ALG9: variants seen among roughly 807,000 people sequenced by gnomAD.
The protein encoded by ALG9 is ALG9 alpha-1,2-mannosyltransferase.
A neutral mutation model predicts 81.8 loss-of-function variants in ALG9; 55 were observed. The observed-to-expected ratio is 0.67, with a 90% confidence interval of 0.54 to 0.84. The LOEUF (loss-of-function observed/expected upper bound fraction) is 0.84, where lower values mean the gene tolerates loss of function less well. Among genes scored for constraint, ALG9 ranks in the 40% least tolerant of loss-of-function variants. The pLI, the probability that ALG9 is intolerant of heterozygous loss-of-function variation, is 0.00. For synonymous variants in ALG9, 278 were observed against 274.3 expected, an observed-to-expected ratio of 1.01 and a Z score of -0.13; for missense variants, 629 against 745.0, an observed-to-expected ratio of 0.84 and a Z score of 1.81.
chr11:111,843,883 T>C (rs1293315383), intron 9 of ALG9, among the ~76,000 whole-genome samples: 3 of 152,200 alleles, frequency 2.0e-5, no homozygotes, highest in African/African-American at 7.2e-5. Flanking sequence ...TTTGGGGAAA[T>C]CCCTGTATGG....
At chr11:111,792,337 T>C (rs1224284061) in intron 14 of ALG9, among the ~76,000 whole-genome samples, 1 of 152,096 alleles carries the variant, frequency 6.6e-6, no homozygotes, top group East Asian at 1.9e-4. Context: ...AAAACAAATG[T>C]TGGATGGATG....
At chr11:111,859,238 T>A (rs1959180787) in intron 5 of ALG9, among the ~76,000 whole-genome samples, 1 of 152,110 alleles carries the variant, frequency 6.6e-6, no homozygotes. Flanking sequence ...GTGCGGTGGC[T>A]CACACCTGTA....
intron 8 of ALG9, among the ~76,000 whole-genome samples, chr11:111,850,793 G>C (rs1555137257): frequency 6.6e-6 from 1 of 150,976 alleles, no homozygotes; most frequent in Non-Finnish European, 1.5e-5. Flanking sequence ...CTGCCATCAA[G>C]GAACAACTGC....
rs1555062364 is a variant in ALG9, at chr11:111,785,673, A to C, written c.*724T>G. 5.3e-6 allele frequency: 1 copy of C among 187,470 alleles called. No individual in the cohort carries two copies. The highest frequency in any genetic ancestry group is 1.1e-5 in the Non-Finnish European group (1 of 89,050). The allele number at this position is 187,470 out of a possible 1,614,324, so 11.6% of individuals were successfully genotyped here. A position where few individuals can be genotyped will look rare whatever the true frequency, so the allele number is the denominator to read the frequency against. The stretch of plus-strand genomic sequence containing the variant: ...AGGAGTCTAGAATTCAAAAAATAGC[A>C]TGCTAAAACTGAACAAAAAAGCAAT... On this transcript the variant is annotated 3_prime_UTR_variant, in exon 15 of 15. Transcript: ENST00000616540.
chr11:111,854,774 T>C (rs987230255), intron 6 of ALG9, among the ~76,000 whole-genome samples: 5 of 152,236 alleles, frequency 3.3e-5, no homozygotes, highest in African/African-American at 7.2e-5. Flanking sequence ...TACTTTTAAT[T>C]ACTTGTCCAA....
intron 3 of ALG9, among the ~76,000 whole-genome samples, chr11:111,866,853 G>A (rs1201434709): frequency 6.6e-6 from 1 of 151,372 alleles, no homozygotes; most frequent in Non-Finnish European, 1.5e-5. Flanking sequence ...CAGCACTTTG[G>A]AGGCCAAGGC....
intron 13 of ALG9, among the ~76,000 whole-genome samples, chr11:111,819,953 T>C (rs941602638): frequency 1.3e-5 from 2 of 152,250 alleles, no homozygotes; most frequent in African/African-American, 4.8e-5. Context: ...TTCAAAACTA[T>C]GACCAGCTTA....
chr11:111,773,685 AT>A, the ALG9 span, among the ~76,000 whole-genome samples: 1 of 151,784 alleles, frequency 6.6e-6, no homozygotes, highest in African/African-American at 2.4e-5. Flanking sequence ...TCGGAAAAAA[AT>A]GTTTTGTTAT....
intron 14 of ALG9, among the ~76,000 whole-genome samples, chr11:111,808,963 C>T (rs782744357): frequency 6.6e-5 from 10 of 152,328 alleles, no homozygotes; most frequent in Non-Finnish European, 1.2e-4. Context: ...TATCTCAGCC[C>T]TGGCTGAGCC....
intron 13 of ALG9, among the ~76,000 whole-genome samples, chr11:111,815,657 C>G (rs1219596593): frequency 3.3e-5 from 5 of 152,000 alleles, no homozygotes; most frequent in Admixed American, 6.5e-5. Context: ...GGTTCTACCA[C>G]AGACTGGCTG....
chr11:111,820,920 G>GCGCACACA (rs72334123), intron 13 of ALG9, among the ~76,000 whole-genome samples: 51 of 146,362 alleles, frequency 3.5e-4, no homozygotes, highest in African/African-American at 1.2e-3. Context: ...AAACACGCGC[G>GCGCACACA]CACACACACA....
At chr11:111,796,009 C>T (rs1948231687) in intron 14 of ALG9, among the ~76,000 whole-genome samples, 1 of 152,146 alleles carries the variant, frequency 6.6e-6, no homozygotes, top group African/African-American at 2.4e-5. Context: ...GCTCTTCGGA[C>T]CCTCATTTGG....
In ALG9 at chr11:111,853,486, C is replaced by G; in HGVS notation, c.790-1G>C. Reference sequence around the variant, plus strand: ...AGCTGTCAATGACCACCACAGGCACCTAAAACAGAGCAGAAAATAGTTTTG... The same window carrying G: ...AGCTGTCAATGACCACCACAGGCACGTAAAACAGAGCAGAAAATAGTTTTG... On this transcript the variant is annotated splice_acceptor_variant, in intron 7 of 14. Coordinates refer to ENST00000616540, the MANE Select transcript of ALG9 (RefSeq NM_024740.2). LOFTEE classifies it high-confidence loss of function. 1 of 1,612,306 alleles carries G rather than the reference C, an allele frequency of 6.2e-7. No homozygotes were observed. Among genetic ancestry groups the G allele is most frequent in the Non-Finnish European group, 8.5e-7 (1 of 1,178,488 alleles).
chr11:111,809,725 C>A lies in ALG9; in HGVS notation c.1651G>T (p.Glu551Ter). The A allele has an allele frequency of 6.2e-7, 1 of 1,614,090 alleles. No homozygotes were observed. The highest frequency in any genetic ancestry group is 8.5e-7 in the Non-Finnish European group (1 of 1,179,974). ...HYLVDLDTMRETPREPKYSSN... is the reference protein window; with the variant it reads ...HYLVDLDTMR ...GAATATTTTGGCTCCCGGGGTGTTT[C>A]TCTCATGGTGTCCAAATCCACTAAA... is the stretch of plus-strand genomic sequence containing the variant. Residue 551 changes from glutamate (E) to a stop codon, truncating the protein, a stop_gained, in exon 14 of 15, where the codon GAA (glutamate) becomes TAA (stop). Coordinates refer to ENST00000616540, the MANE Select transcript of ALG9 (RefSeq NM_024740.2). LOFTEE classifies it high-confidence loss of function.
intron 4 of ALG9, chr11:111,864,315 C>T: frequency 1.1e-6 from 1 of 887,972 alleles, no homozygotes; most frequent in Non-Finnish European, 1.9e-6. Context: ...CGGCTGGAGG[C>T]CAGGCTCAAC....
At chr11:111,865,792 A>G (rs1176955399) in intron 3 of ALG9, among the ~76,000 whole-genome samples, 1 of 152,232 alleles carries the variant, frequency 6.6e-6, no homozygotes. Context: ...ATAAAATGGT[A>G]AAAGTAGCTA....
chr11:111,832,306 C>T (rs1318046485), intron 13 of ALG9, among the ~76,000 whole-genome samples: 2 of 151,872 alleles, frequency 1.3e-5, no homozygotes, highest in East Asian at 3.9e-4. Flanking sequence ...AGAGAGGGTC[C>T]TGCTATGTTG....
chr11:111,867,104 CCAAACAAA>C (rs781802793), intron 3 of ALG9, among the ~76,000 whole-genome samples: 1 of 152,046 alleles, frequency 6.6e-6, no homozygotes, highest in African/African-American at 2.4e-5. Context: ...CAAAAACAAA[CCAAACAAA>C]CAAACAAACA....
intron 9 of ALG9, among the ~76,000 whole-genome samples, chr11:111,843,413 A>T (rs1448845721): frequency 6.6e-6 from 1 of 152,232 alleles, no homozygotes; most frequent in Non-Finnish European, 1.5e-5. Context: ...AGATGATATT[A>T]AGAAATTACT....
Sources: allele counts gnomAD v4.1 joint callset (sites outside exome capture counted in the v4.1 genomes callset), GRCh38; gene constraint gnomAD v4.1.1; transcripts MANE v1.5; gene names NCBI Gene and HGNC (gene_info 2026-07-23, HGNC 2026-07-21).